PCDHGB4: variants seen among roughly 807,000 people sequenced by gnomAD.
The protein encoded by PCDHGB4 is protocadherin gamma subfamily B, 4, also known as protocadherin gamma-B4.
In PCDHGB4, 38 loss-of-function variants were observed where a neutral mutation model predicts 60.5. The observed-to-expected ratio is 0.63, with a 90% CI of 0.48 to 0.82. The LOEUF (loss-of-function observed/expected upper bound fraction) is 0.82, where lower values mean the gene tolerates loss of function less well. Ranked by LOEUF, PCDHGB4 falls within the 40% of genes least tolerant of loss-of-function variation. The pLI, the probability that PCDHGB4 is intolerant of heterozygous loss-of-function variation, is 0.00. For synonymous variants in PCDHGB4, 456 were observed against 509.7 expected (o/e 0.89, Z 1.42); for missense variants, 1,109 against 1,209.6 (o/e 0.92, Z 1.23).
At chr5:141,510,132 G>A (rs920772998) in intron 3 of PCDHGB4, among the ~76,000 whole-genome samples, 2 of 152,120 alleles carry the variant, frequency 1.3e-5, no homozygotes, top group African/African-American at 4.8e-5. Context: ...AAATTAGCTG[G>A]GCTAGTGGTG....
intron 1 of PCDHGB4, chr5:141,400,483 C>G (rs748464990): frequency 1.4e-5 from 22 of 1,613,902 alleles, no homozygotes; most frequent in Non-Finnish European, 1.7e-5. Context: ...GGCCTTATTT[C>G]CACTTTGTAA....
intron 1 of PCDHGB4, chr5:141,405,044 G>A (rs769617162): frequency 6.2e-7 from 1 of 1,613,938 alleles, no homozygotes; most frequent in Admixed American, 1.7e-5. Context: ...TGTGGCTGTG[G>A]CAGTCGTCTC....
At chr5:141,410,659 C>T (rs1481225976) in intron 1 of PCDHGB4, 5 of 1,571,890 alleles carry the variant, frequency 3.2e-6, no homozygotes, top group Non-Finnish European at 4.3e-6. Flanking sequence ...ATCTAATAGT[C>T]TACTAGTTTC....
At chr5:141,454,993 T>C (rs2098809479) in intron 1 of PCDHGB4, among the ~76,000 whole-genome samples, 1 of 151,290 alleles carries the variant, frequency 6.6e-6, no homozygotes, top group Non-Finnish European at 1.5e-5. Context: ...AAAATATTTT[T>C]AGTAGAGACG....
intron 1 of PCDHGB4, among the ~76,000 whole-genome samples, chr5:141,402,517 G>A (rs2094277430): frequency 6.6e-6 from 1 of 152,024 alleles, no homozygotes; most frequent in African/African-American, 2.4e-5. Context: ...ATTAAGCAAT[G>A]GTTTGTGATT....
chr5:141,444,377 G>A (rs1035830834), intron 1 of PCDHGB4, among the ~76,000 whole-genome samples: 3 of 151,802 alleles, frequency 2.0e-5, no homozygotes, highest in Non-Finnish European at 4.4e-5. Context: ...CTCCATGTTG[G>A]TCAGGCTAGT....
At chr5:141,430,977 A>C (rs761722055) in intron 1 of PCDHGB4, 1 of 1,613,290 alleles carries the variant, frequency 6.2e-7, no homozygotes, top group South Asian at 1.1e-5. Context: ...GGTAGGACGC[A>C]GCTTTTCGCC....
At chr5:141,450,008 T>C (rs78952430) in intron 1 of PCDHGB4, among the ~76,000 whole-genome samples, 2 of 37,390 alleles carry the variant, frequency 5.3e-5, no homozygotes, top group African/African-American at 6.8e-4. Flanking sequence ...CCATGTCTCT[T>C]TTTTTTTTTT....
chr5:141,506,435 G>T (rs1470687416), intron 3 of PCDHGB4, among the ~76,000 whole-genome samples: 1 of 126,234 alleles, frequency 7.9e-6, no homozygotes, highest in Non-Finnish European at 1.6e-5. Context: ...CAACAGTCTC[G>T]CTCTGTCTCA....
chr5:141,438,635 TACACACACACACACAC>T (rs56854727), intron 1 of PCDHGB4, among the ~76,000 whole-genome samples: 7 of 33,414 alleles, frequency 2.1e-4, no homozygotes, highest in Non-Finnish European at 3.7e-4. Flanking sequence ...TATATATATA[TACACACACACACACAC>T]ATATATGTAT....
At chr5:141,403,776 G>A (rs1312851147) in intron 1 of PCDHGB4, 1 of 1,613,926 alleles carries the variant, frequency 6.2e-7, no homozygotes, top group East Asian at 2.2e-5. Flanking sequence ...GGAATCAACG[G>A]AAAAGTGGCA....
chr5:141,413,600 T>C lies in PCDHGB4; in HGVS notation c.2397+23319T>C, dbSNP rs767830855. The C allele has an allele frequency of 3.7e-6, 6 of 1,613,868 alleles. No individual in the cohort carries two copies. The Admixed American group carries it at 8.3e-5, about 22-fold the overall frequency. Reference sequence around the variant, plus strand: ...GCTCCAAAATTCCAAGCAGAAAATCTAGACGTAAAAATTAATGAAAATGTC... The same window carrying C: ...GCTCCAAAATTCCAAGCAGAAAATCCAGACGTAAAAATTAATGAAAATGTC... On this transcript the variant is annotated intron_variant, in intron 1 of 3. Transcript: ENST00000519479.
rs1478890031 is a variant in PCDHGB4, at chr5:141,478,689, C to G, written c.2398-16118C>G. On this transcript the variant is annotated intron_variant, in intron 1 of 3. Coordinates refer to ENST00000519479, the MANE Select transcript of PCDHGB4 (RefSeq NM_003736.4). Reference sequence around the variant, plus strand: ...CACTTTCAACTGGCCCTTCCTAGATCAAAGTTAGTGCCTTTGTGAGATGGT... The same window carrying G: ...CACTTTCAACTGGCCCTTCCTAGATGAAAGTTAGTGCCTTTGTGAGATGGT... 3 of 1,550,866 alleles carry G rather than the reference C, an allele frequency of 1.9e-6. No homozygotes were observed. In the African/African-American group the frequency reaches 4.1e-5, roughly 21 times the overall value.
At position 141,487,855 on chromosome 5, in the gene PCDHGB4, A is replaced by G. The variant is rs1033833406; in HGVS notation, c.2398-6952A>G. The G allele has an allele frequency of 2.1e-6, 2 of 974,092 alleles. No homozygotes were observed. Among genetic ancestry groups the G allele is most frequent in the Non-Finnish European group, 3.0e-6 (2 of 668,870 alleles). The allele number at this position is 974,092 out of a possible 1,614,324, so 60.3% of individuals were successfully genotyped here. Reference sequence around the variant, plus strand: ...TATATCTGAGTAAGAAATGAAAGTAATTGGTGATCAAGAGCCAGGCTGTTG... The same window carrying G: ...TATATCTGAGTAAGAAATGAAAGTAGTTGGTGATCAAGAGCCAGGCTGTTG... On this transcript the variant is annotated intron_variant, in intron 1 of 3. Transcript: ENST00000519479. The surrounding 1 kb of genome is among the most constrained non-coding windows in gnomAD (Gnocchi z 5.0).
At chr5:141,508,718 G>T (rs2099871076) in intron 3 of PCDHGB4, among the ~76,000 whole-genome samples, 1 of 151,852 alleles carries the variant, frequency 6.6e-6, no homozygotes, top group Non-Finnish European at 1.5e-5. Flanking sequence ...TTTTCTGTGT[G>T]CAGGGAGACT....
intron 3 of PCDHGB4, 125 bp downstream of exon 3, chr5:141,505,606 C>G: frequency 6.5e-7 from 1 of 1,528,642 alleles, no homozygotes; most frequent in Non-Finnish European, 8.8e-7. Flanking sequence ...TTCGGCAGGT[C>G]TGAAAGGACC....
chr5:141,393,156 A>G (rs1028021318), intron 1 of PCDHGB4: 7 of 1,613,310 alleles, frequency 4.3e-6, no homozygotes, highest in African/African-American at 1.3e-5. Context: ...GGATAAAGGA[A>G]AACTCTTTGG....
chr5:141,502,629 G>A (rs1368174848), intron 2 of PCDHGB4, among the ~76,000 whole-genome samples: 1 of 152,096 alleles, frequency 6.6e-6, no homozygotes, highest in Non-Finnish European at 1.5e-5. Context: ...GTAATCTGTG[G>A]ATGATACTTT....
Position 141,491,680 on chromosome 5 carries a change from A to G in PCDHGB4, c.2398-3127A>G. The G allele has an allele frequency of 6.2e-7, 1 of 1,613,304 alleles. No individual in the cohort carries two copies. The highest frequency in any genetic ancestry group is 2.2e-5 in the East Asian group (1 of 44,820). ...TGACGCCATCCGGTCCCGCTCTAATACGCTGCGGGAGCGGAGCCAGGTGAG... is the reference window on the plus strand; with the variant it reads ...TGACGCCATCCGGTCCCGCTCTAATGCGCTGCGGGAGCGGAGCCAGGTGAG... On this transcript the variant is annotated intron_variant, in intron 1 of 3. Transcript: ENST00000519479. The surrounding 1 kb of genome is among the most constrained non-coding windows in gnomAD (Gnocchi z 6.9).
Sources: gnomAD v4.1 joint callset for allele counts (sites outside exome capture counted in the v4.1 genomes callset) on GRCh38, gnomAD v4.1.1 for gene constraint, Gnocchi (gnomAD v3.1) non-coding constraint, MANE v1.5 for transcripts, NCBI Gene and HGNC (gene_info 2026-07-23, HGNC 2026-07-21) for gene names.